Variants in ALMS1 observed in about 807,000 individuals in gnomAD.
ALMS1 encodes the protein centrosome-associated protein ALMS1.
A neutral mutation model predicts 352.2 loss-of-function variants in ALMS1; 271 were observed. The ratio of observed to expected loss-of-function variants is 0.77; its 90% confidence interval spans 0.70 to 0.85. ALMS1 has a LOEUF of 0.85. Among genes scored for constraint, ALMS1 ranks in the 40% least tolerant of loss-of-function variants. The pLI, the probability that ALMS1 is intolerant of heterozygous loss-of-function variation, is 0.00. For synonymous variants in ALMS1, 1,865 were observed against 1,761.2 expected (o/e 1.06, Z -1.48); for missense variants, 5,445 against 4,870.7 (o/e 1.12, Z -3.51).
chr2:73,455,868 T>G (rs1032403185), intron 9 of ALMS1, among the ~76,000 whole-genome samples: 1 of 152,188 alleles, frequency 6.6e-6, no homozygotes, highest in African/African-American at 2.4e-5. Flanking sequence ...CAGAGAAGAC[T>G]AAATGTCACC....
rs753352047 is a variant in ALMS1, at chr2:73,447,976, A to G, written c.1449A>G (p.Gly483=). The change falls in exon 8 of 23, where the codon GGA becomes GGG. Residue 483 remains glycine, a synonymous_variant. Coordinates refer to ENST00000613296, the MANE Select transcript of ALMS1 (RefSeq NM_001378454.1). ...KHLKAGDTSK[G]GIAKVTQSNL... ...TTTCTTTAGGAGACACTTCTAAAGGAGGCATAGCTAAAGTTACTCAATCCA... is the reference window on the plus strand; with the variant it reads ...TTTCTTTAGGAGACACTTCTAAAGGGGGCATAGCTAAAGTTACTCAATCCA... The G allele has an allele frequency of 1.9e-6, 3 of 1,612,032 alleles. No homozygotes were observed. The highest frequency in any genetic ancestry group is 3.3e-5 in the Admixed American group (2 of 59,812).
intron 12 of ALMS1, among the ~76,000 whole-genome samples, chr2:73,539,801 C>G (rs1341180196): frequency 6.6e-5 from 10 of 152,050 alleles, no homozygotes; most frequent in Non-Finnish European, 1.3e-4. Flanking sequence ...TGAATGAAAT[C>G]AAGCGAGAAG....
At chr2:73,428,389 A>C (rs1671421831) in intron 6 of ALMS1, among the ~76,000 whole-genome samples, 1 of 151,862 alleles carries the variant, frequency 6.6e-6, no homozygotes, top group Non-Finnish European at 1.5e-5. Context: ...CCACCTTTTA[A>C]CTATTCTTGG....
At chr2:73,483,233 C>T (rs1314668223) in intron 9 of ALMS1, among the ~76,000 whole-genome samples, 3 of 151,066 alleles carry the variant, frequency 2.0e-5, no homozygotes, top group Admixed American at 6.6e-5. Flanking sequence ...TCCCTCTACA[C>T]ACTGCTTTGA....
chr2:73,459,920 A>G (rs1194414004), intron 9 of ALMS1, among the ~76,000 whole-genome samples: 1 of 152,170 alleles, frequency 6.6e-6, no homozygotes, highest in Non-Finnish European at 1.5e-5. Context: ...GTGTGTGTAC[A>G]TAATTACACG....
At chr2:73,538,569 G>C (rs1205606108) in intron 12 of ALMS1, among the ~76,000 whole-genome samples, 2 of 152,318 alleles carry the variant, frequency 1.3e-5, no homozygotes, top group East Asian at 3.9e-4. Context: ...CCGAGCGTGA[G>C]CCGAAGCAGG....
At chr2:73,554,202 G>T (rs1674495631) in intron 13 of ALMS1, among the ~76,000 whole-genome samples, 1 of 150,110 alleles carries the variant, frequency 6.7e-6, no homozygotes, top group African/African-American at 2.5e-5. Flanking sequence ...AAAAGCTAGT[G>T]TTGATATGGA....
chr2:73,395,016 GTA>G (rs990279373), intron 1 of ALMS1, among the ~76,000 whole-genome samples: 16 of 137,278 alleles, frequency 1.2e-4, no homozygotes, highest in Non-Finnish European at 1.9e-4. Flanking sequence ...ATATATATGT[GTA>G]TATATATGTG....
rs1572904641 is a variant in ALMS1 at position 73,408,745 on chromosome 2, C to A, written c.448C>A (p.Gln150Lys). The change falls in exon 2 of 23, where the codon CAG becomes AAG. Residue 150 changes from glutamine (Q) to lysine (K), a missense_variant and splice_region_variant. Coordinates refer to ENST00000613296, the MANE Select transcript of ALMS1 (RefSeq NM_001378454.1). ...AGCTCAGCGGGGTTCTGGGGATGAT[C>A]AGGTATGTCTTCTGTAACTGGCTAA... ...TTAQRGSGDD[Q>K]KTESWHCLPQ... The A allele has an allele frequency of 6.2e-7, 1 of 1,608,078 alleles. No individual in the cohort carries two copies. The highest frequency in any genetic ancestry group is 8.5e-7 in the Non-Finnish European group (1 of 1,177,264).
At chr2:73,602,134 A>G in intron 19 of ALMS1, 51 bp from the exon 20 acceptor site, 1 of 1,557,904 alleles carries the variant, frequency 6.4e-7, no homozygotes, top group African/African-American at 1.4e-5. Flanking sequence ...TGGAGAGTAG[A>G]TTGCATCATT....
intron 12 of ALMS1, among the ~76,000 whole-genome samples, chr2:73,538,214 C>A (rs1486505291): frequency 6.6e-6 from 1 of 152,022 alleles, no homozygotes; most frequent in Non-Finnish European, 1.5e-5. Context: ...ACAACAATAA[C>A]CCAAACAATC....
In ALMS1 at chr2:73,572,373, A is replaced by G. The variant is rs45567331; in HGVS notation, c.10496A>G (p.Glu3499Gly). Residue 3499 changes from glutamate to glycine, a missense_variant, in exon 16 of 23, where the codon GAA (glutamate) becomes GGA (glycine). Physicochemically the swap from Glu to Gly is moderately conservative, Grantham distance 98. Transcript: ENST00000613296. ...HLPSDQDICH[E>G]SLGKSVFMRH... Reference sequence around the variant, plus strand: ...CCAAGTGATCAAGATATTTGCCATGAATCTTTGGGAAAGAGTGTTTTCATG... The same window carrying G: ...CCAAGTGATCAAGATATTTGCCATGGATCTTTGGGAAAGAGTGTTTTCATG... The G allele has an allele frequency of 6.2e-7, 1 of 1,609,136 alleles. No individual in the cohort carries two copies. Among genetic ancestry groups the G allele is most frequent in the Non-Finnish European group, 8.5e-7 (1 of 1,178,198 alleles).
intron 9 of ALMS1, among the ~76,000 whole-genome samples, chr2:73,464,978 C>A (rs1642601798): frequency 6.6e-6 from 1 of 151,990 alleles, no homozygotes; most frequent in South Asian, 2.1e-4. Context: ...ATTCCATGCT[C>A]ATGGGTAGGA....
At chr2:73,535,053 G>T (rs1221322637) in intron 12 of ALMS1, 104 bp downstream of exon 12, 3 of 1,444,576 alleles carry the variant, frequency 2.1e-6, no homozygotes, top group Non-Finnish European at 2.9e-6. Flanking sequence ...TAATTTTTCA[G>T]TGAAATATGG....
intron 7 of ALMS1, among the ~76,000 whole-genome samples, chr2:73,445,444 G>C (rs1671792503): frequency 6.6e-6 from 1 of 152,060 alleles, no homozygotes; most frequent in African/African-American, 2.4e-5. Flanking sequence ...CAAAATGAGA[G>C]CTATAGTAAT....
chr2:73,406,498 CTTCT>C (rs1298276656), intron 1 of ALMS1, among the ~76,000 whole-genome samples: 1 of 149,866 alleles, frequency 6.7e-6, no homozygotes, highest in African/African-American at 2.5e-5. Context: ...ATTTCCTCCC[CTTCT>C]TTCTTTGTGT....
At position 73,449,490 on chromosome 2, in the gene ALMS1, C is replaced by CTG; in HGVS notation, c.2964_2965dup (p.Asp989ValfsTer40). 1.9e-6 allele frequency: 3 copies of CTG among 1,614,078 alleles called. No individual in the cohort carries two copies. Among genetic ancestry groups the CTG allele is most frequent in the Non-Finnish European group, 2.5e-6 (3 of 1,179,980 alleles). ...AAAATGTCTGCTATTCCTGGACTGA[C>CTG]TGACCAGAAGACTGTCCCAACACCA... On this transcript the variant is annotated frameshift_variant, in exon 8 of 23. Coordinates refer to ENST00000613296, the MANE Select transcript of ALMS1 (RefSeq NM_001378454.1). LOFTEE classifies it high-confidence loss of function.
chr2:73,477,898 A>G (rs541155219), intron 9 of ALMS1, among the ~76,000 whole-genome samples: 1 of 152,144 alleles, frequency 6.6e-6, no homozygotes, highest in Non-Finnish European at 1.5e-5. Context: ...TATGAAGTTC[A>G]TGTCATCTGC....
intron 15 of ALMS1, among the ~76,000 whole-genome samples, chr2:73,568,449 A>G (rs1674848077): frequency 1.3e-5 from 2 of 152,224 alleles, no homozygotes; most frequent in Admixed American, 6.5e-5. Flanking sequence ...TCACTGCAGC[A>G]TGCTTTGGAA....
Sources: gnomAD v4.1 joint callset for allele counts (sites outside exome capture counted in the v4.1 genomes callset) on GRCh38, gnomAD v4.1.1 for gene constraint, MANE v1.5 for transcripts, NCBI Gene and HGNC (gene_info 2026-07-23, HGNC 2026-07-21) for gene names.